Variants in NBEA observed in about 807,000 individuals in gnomAD.
The protein encoded by NBEA is neurobeachin, also known as lysosomal-trafficking regulator 2.
A neutral mutation model predicts 343.4 loss-of-function variants in NBEA; 44 were observed. The observed-to-expected ratio is 0.13, with a 90% CI of 0.10 to 0.16. The LOEUF is 0.16. Among genes scored for constraint, NBEA ranks in the 10% least tolerant of loss-of-function variants. The pLI is 1.00. For synonymous variants in NBEA, 1,175 were observed against 1,238.7 expected, an observed-to-expected ratio of 0.95 and a Z score of 1.08; for missense variants, 2,555 against 3,631.3, an observed-to-expected ratio of 0.70 and a Z score of 7.62.
intron 38 of NBEA, among the ~76,000 whole-genome samples, chr13:35,394,193 C>T (rs963662358): frequency 9.9e-5 from 15 of 152,258 alleles, no homozygotes; most frequent in South Asian, 4.1e-4. Context: ...ATCTGCACCA[C>T]GCACTTCAGC....
At chr13:35,440,472 G>A (rs2045679210) in intron 39 of NBEA, among the ~76,000 whole-genome samples, 1 of 152,172 alleles carries the variant, frequency 6.6e-6, no homozygotes, top group African/African-American at 2.4e-5. Context: ...AGTAAAGAGG[G>A]TCGCCTAACT....
chr13:35,088,003 A>C (rs988990459), intron 10 of NBEA, among the ~76,000 whole-genome samples: 2 of 151,896 alleles, frequency 1.3e-5, no homozygotes, highest in Non-Finnish European at 2.9e-5. Flanking sequence ...GGGAAGAAGA[A>C]GACTTTATAT....
At position 35,583,943 on chromosome 13, in the gene NBEA, C is replaced by T. The variant is rs2081173805; in HGVS notation, c.7081C>T (p.Arg2361Cys). The change falls in exon 46 of 59, where the codon CGT becomes TGT. Residue 2361 changes from arginine to cysteine, a missense_variant. Physicochemically the swap from Arg to Cys is radical, Grantham distance 180. Around this residue, in one of 21 missense-constraint regions of NBEA, gnomAD observed 156 missense variants for 185.8 expected, o/e 0.84. Coordinates refer to ENST00000379939, the MANE Select transcript of NBEA (RefSeq NM_001385012.1). ...NPKRAVFYAE[R>C]YETWEDDQSP... ...CAAGAGAGCTGTGTTTTATGCAGAG[C>T]GTTATGAGACATGGGAAGATGATCA... 1.2e-6 allele frequency: 2 copies of T among 1,613,246 alleles called. No homozygotes were observed. Among genetic ancestry groups the T allele is most frequent in the Non-Finnish European group, 8.5e-7 (1 of 1,179,562 alleles).
chr13:34,949,594 G>T (rs887025150), intron 1 of NBEA, among the ~76,000 whole-genome samples: 3 of 152,106 alleles, frequency 2.0e-5, no homozygotes, highest in Non-Finnish European at 4.4e-5. Flanking sequence ...GCAAGGACAG[G>T]GAATTCTTGT....
intron 34 of NBEA, among the ~76,000 whole-genome samples, chr13:35,280,777 T>C (rs1395071875): frequency 6.7e-6 from 1 of 149,660 alleles, no homozygotes; most frequent in African/African-American, 2.4e-5. Flanking sequence ...TTTGACAGAT[T>C]TTTTTTTTTG....
Position 35,054,619 on chromosome 13 carries a change from T to C in NBEA, c.973-1391T>C, listed in dbSNP as rs1371660130. ...CTTTTTTGAGTTAATACACTGTTTT[T>C]TTTTTCTTTTTCTGTTTTCTTTTCT... is the stretch of plus-strand genomic sequence containing the variant. On this transcript the variant is annotated intron_variant, in intron 6 of 58. Transcript: ENST00000379939. 2.0e-5 allele frequency among the ~76,000 whole-genome samples: 3 copies of C among 151,546 alleles called. No homozygotes were observed. In the East Asian group the frequency reaches 5.8e-4, roughly 29 times the overall value.
chr13:34,985,057 CA>C (rs2060496978), intron 1 of NBEA, among the ~76,000 whole-genome samples: 1 of 150,976 alleles, frequency 6.6e-6, no homozygotes, highest in South Asian at 2.1e-4. Flanking sequence ...TTGCCCTGGC[CA>C]GAACTTACAA....
chr13:35,622,867 A>G (rs1366798962), intron 48 of NBEA, among the ~76,000 whole-genome samples: 3 of 152,124 alleles, frequency 2.0e-5, no homozygotes, highest in Admixed American at 6.5e-5. Context: ...TTGGTAGTCT[A>G]CTTTCTTTTT....
At chr13:35,097,026 A>G (rs2065370324) in intron 10 of NBEA, among the ~76,000 whole-genome samples, 1 of 151,844 alleles carries the variant, frequency 6.6e-6, no homozygotes, top group African/African-American at 2.4e-5. Flanking sequence ...TCCTGTAATG[A>G]AGTACTTTAT....
intron 38 of NBEA, among the ~76,000 whole-genome samples, chr13:35,377,439 C>T (rs957162680): frequency 6.6e-6 from 1 of 152,168 alleles, no homozygotes; most frequent in Non-Finnish European, 1.5e-5. Flanking sequence ...GATGGGATAT[C>T]CCTTTCTTGT....
intron 34 of NBEA, among the ~76,000 whole-genome samples, chr13:35,281,699 C>A (rs4630413): frequency 0.034 from 5,192 of 151,954 alleles, 190 homozygotes; most frequent in East Asian, 0.15. Context: ...AACACCAGTG[C>A]TTTTTTGAAT....
chr13:35,595,308 C>A (rs897559928), intron 47 of NBEA, among the ~76,000 whole-genome samples: 7 of 151,958 alleles, frequency 4.6e-5, no homozygotes, highest in African/African-American at 1.4e-4. Context: ...TGTTTTTTAT[C>A]CTCAAGCAGC....
intron 18 of NBEA, among the ~76,000 whole-genome samples, chr13:35,143,738 A>T (rs2068226173): frequency 6.6e-6 from 1 of 152,118 alleles, no homozygotes; most frequent in Non-Finnish European, 1.5e-5. Context: ...ATAATTTTGA[A>T]TTAACCTGTA....
At chr13:35,275,387 A>G (rs1214064319) in intron 34 of NBEA, among the ~76,000 whole-genome samples, 1 of 152,208 alleles carries the variant, frequency 6.6e-6, no homozygotes. Context: ...GTAAGACCTA[A>G]CACCATAAAA....
At chr13:35,483,459 T>C (rs1351516976) in intron 41 of NBEA, among the ~76,000 whole-genome samples, 2 of 152,012 alleles carry the variant, frequency 1.3e-5, no homozygotes, top group African/African-American at 4.8e-5. Context: ...TATTACTTAA[T>C]ATATGCACAT....
Position 34,942,661 on chromosome 13 carries a change from G to A in NBEA, c.-160G>A, listed in dbSNP as rs935788285. ...CCTCCGCGGGGGAGAGCGCCGGAGC[G>A]GGCCGGGCTGAGGCGCAGGCGGGGA... On this transcript the variant is annotated 5_prime_UTR_variant, in exon 1 of 59. Transcript: ENST00000379939. The A allele has an allele frequency of 2.9e-5, 12 of 414,280 alleles. No individual in the cohort carries two copies. Among genetic ancestry groups the A allele is most frequent in the Non-Finnish European group, 4.8e-5 (12 of 252,614 alleles). 25.7% of individuals were successfully genotyped at this position (414,280 alleles called of 1,614,324 possible).
At chr13:35,566,285 C>T (rs766371962) in intron 44 of NBEA, among the ~76,000 whole-genome samples, 20 of 152,184 alleles carry the variant, frequency 1.3e-4, no homozygotes, top group Non-Finnish European at 2.4e-4. Context: ...CGCTTGAACC[C>T]GGGAGGCAGA....
chr13:35,563,310 C>A (rs950583505), intron 44 of NBEA, among the ~76,000 whole-genome samples: 1 of 151,878 alleles, frequency 6.6e-6, no homozygotes, highest in Non-Finnish European at 1.5e-5. Flanking sequence ...AGTAATTAAA[C>A]ATCTAGGTAT....
intron 1 of NBEA, among the ~76,000 whole-genome samples, chr13:35,025,211 G>C (rs2061977747): frequency 6.6e-6 from 1 of 151,948 alleles, no homozygotes; most frequent in Non-Finnish European, 1.5e-5. Flanking sequence ...TGTTTTTGTT[G>C]CAATTGCTTT....
Sources: gnomAD v4.1 joint callset for allele counts (sites outside exome capture counted in the v4.1 genomes callset) on GRCh38, gnomAD v4.1.1 for gene constraint, gnomAD v4.1.1 regional missense constraint, MANE v1.5 for transcripts, NCBI Gene and HGNC (gene_info 2026-07-23, HGNC 2026-07-21) for gene names.